The following WWOX variants were observed in gnomAD, a reference collection of about 807,000 sequenced individuals.
The protein encoded by WWOX is WW domain containing oxidoreductase.
In WWOX, 69 loss-of-function variants were observed where a neutral mutation model predicts 46.2. That is an observed-to-expected ratio of 1.49 (90% CI 1.23 to 1.82). The LOEUF (loss-of-function observed/expected upper bound fraction) is 1.82, where lower values mean the gene tolerates loss of function less well. Ranked by LOEUF, WWOX falls within the 40% of genes most tolerant of loss-of-function variation. The pLI, the probability that WWOX is intolerant of heterozygous loss-of-function variation, is 0.00. For missense variants in WWOX, 919 were observed against 542.6 expected (o/e 1.69, Z -6.89); for synonymous variants, 359 against 202.6 (o/e 1.77, Z -6.56).
At chr16:78,126,039 C>T (rs1175563472) in intron 4 of WWOX, among the ~76,000 whole-genome samples, 1 of 151,848 alleles carries the variant, frequency 6.6e-6, no homozygotes, top group Non-Finnish European at 1.5e-5. Flanking sequence ...GCATGTTTTC[C>T]CTTCTTTCGT....
chr16:78,713,071 A>G (rs2048477868), intron 8 of WWOX, among the ~76,000 whole-genome samples: 1 of 151,814 alleles, frequency 6.6e-6, no homozygotes, highest in Non-Finnish European at 1.5e-5. Flanking sequence ...GGAGATCGAG[A>G]CCAGCCAGGG....
chr16:78,668,451 T>G (rs2047384081), intron 8 of WWOX, among the ~76,000 whole-genome samples: 2 of 152,190 alleles, frequency 1.3e-5, no homozygotes, highest in South Asian at 4.1e-4. Context: ...ATTCTTTCCT[T>G]TGTATATCCA....
chr16:78,534,944 C>T (rs2043722444), intron 8 of WWOX, among the ~76,000 whole-genome samples: 1 of 152,134 alleles, frequency 6.6e-6, no homozygotes, highest in Non-Finnish European at 1.5e-5. Flanking sequence ...GATGTCCTTA[C>T]CTCATGATCT....
chr16:78,956,193 T>G (rs2046163106), intron 8 of WWOX, among the ~76,000 whole-genome samples: 1 of 152,114 alleles, frequency 6.6e-6, no homozygotes, highest in South Asian at 2.1e-4. Flanking sequence ...TCACCCAGGC[T>G]GGAGTGCAGT....
intron 4 of WWOX, among the ~76,000 whole-genome samples, chr16:78,157,470 T>G (rs186091081): frequency 6.6e-6 from 1 of 152,182 alleles, no homozygotes; most frequent in East Asian, 1.9e-4. Flanking sequence ...GCTTTAAAGG[T>G]TGGAGATACA....
chr16:79,008,559 C>G (rs982799798), intron 8 of WWOX, among the ~76,000 whole-genome samples: 5 of 151,614 alleles, frequency 3.3e-5, no homozygotes, highest in Middle Eastern at 3.2e-3. Context: ...CTACCATAGT[C>G]TGTGAAATCC....
intron 8 of WWOX, among the ~76,000 whole-genome samples, chr16:79,164,419 C>T (rs542196916): frequency 1.3e-5 from 2 of 152,136 alleles, no homozygotes; most frequent in Non-Finnish European, 2.9e-5. Flanking sequence ...TGCCCTTGTG[C>T]CCGCCTCTCT....
chr16:78,149,821 C>T (rs1256835485), intron 4 of WWOX, among the ~76,000 whole-genome samples: 1 of 152,136 alleles, frequency 6.6e-6, no homozygotes, highest in Non-Finnish European at 1.5e-5. Flanking sequence ...GCTGGTTTCT[C>T]CTGCCTCCAG....
At chr16:78,598,853 T>C (rs2045554642) in intron 8 of WWOX, among the ~76,000 whole-genome samples, 1 of 152,140 alleles carries the variant, frequency 6.6e-6, no homozygotes, top group Admixed American at 6.5e-5. Context: ...AATAGATAGC[T>C]TTTAGTGAGC....
intron 8 of WWOX, among the ~76,000 whole-genome samples, chr16:78,702,041 A>ATATATATATG: frequency 7.8e-6 from 1 of 127,486 alleles, no homozygotes; most frequent in Non-Finnish European, 1.6e-5. Flanking sequence ...ATATATATAT[A>ATATATATATG]TATAAAATAA....
chr16:78,383,490 G>C (rs745975312), intron 5 of WWOX, among the ~76,000 whole-genome samples: 13 of 152,222 alleles, frequency 8.5e-5, no homozygotes, highest in Non-Finnish European at 1.6e-4. Context: ...TCTCACCTTG[G>C]CAGATCGAGT....
chr16:78,623,201 T>C (rs1216277594), intron 8 of WWOX, among the ~76,000 whole-genome samples: 1 of 151,984 alleles, frequency 6.6e-6, no homozygotes, highest in African/African-American at 2.4e-5. Flanking sequence ...AGCTTTAAGA[T>C]AATAAATGTA....
At chr16:78,602,704 A>G (rs1045751063) in intron 8 of WWOX, among the ~76,000 whole-genome samples, 2 of 152,216 alleles carry the variant, frequency 1.3e-5, no homozygotes, top group African/African-American at 4.8e-5. Flanking sequence ...GAAAATAACA[A>G]TAAATCATTT....
intron 8 of WWOX, among the ~76,000 whole-genome samples, chr16:79,071,864 G>T (rs1027492635): frequency 1.3e-5 from 2 of 152,224 alleles, no homozygotes; most frequent in Non-Finnish European, 2.9e-5. Flanking sequence ...CAGCAGTGTT[G>T]CAACCAACTC....
chr16:78,423,217 CTCTT>C (rs1240373409), intron 6 of WWOX, among the ~76,000 whole-genome samples: 4 of 152,086 alleles, frequency 2.6e-5, no homozygotes, highest in Non-Finnish European at 5.9e-5. Context: ...ACCTTTCTAT[CTCTT>C]TCTTTCTCTT....
chr16:78,118,494 T>G (rs946726164), intron 4 of WWOX, among the ~76,000 whole-genome samples: 12 of 152,174 alleles, frequency 7.9e-5, no homozygotes, highest in African/African-American at 2.4e-4. Flanking sequence ...ACCCACTGCC[T>G]GATTTTGTAA....
chr16:78,834,026 G>C (rs538372321), intron 8 of WWOX, among the ~76,000 whole-genome samples: 3,822 of 152,318 alleles, frequency 0.025, 158 homozygotes, highest in African/African-American at 0.087. Context: ...GAGTGAATGA[G>C]TGAATGAGTG....
chr16:78,984,123 C>T (rs749161113), intron 8 of WWOX, among the ~76,000 whole-genome samples: 2 of 152,086 alleles, frequency 1.3e-5, no homozygotes, highest in Admixed American at 6.5e-5. Context: ...CGTGATCTGC[C>T]CGCCTTGGCC....
intron 8 of WWOX, among the ~76,000 whole-genome samples, chr16:79,081,289 AG>A (rs1489424770): frequency 6.6e-6 from 1 of 152,080 alleles, no homozygotes; most frequent in African/African-American, 2.4e-5. Context: ...TCAGCCTCCT[AG>A]GGAGCTGGGA....
Sources: gnomAD v4.1 joint callset for allele counts (sites outside exome capture counted in the v4.1 genomes callset) on GRCh38, gnomAD v4.1.1 for gene constraint, MANE v1.5 for transcripts, NCBI Gene and HGNC (gene_info 2026-07-23, HGNC 2026-07-21) for gene names.